The following ARID2 variants were observed in gnomAD, a reference collection of about 807,000 sequenced individuals.
The protein encoded by ARID2 is AT-rich interactive domain-containing protein 2.
In ARID2, 32 loss-of-function variants were observed where a neutral mutation model predicts 184.6. That is an observed-to-expected ratio of 0.17 (90% CI 0.13 to 0.23). The LOEUF is 0.23. Ranked by LOEUF, ARID2 falls within the 10% of genes least tolerant of loss-of-function variation. The probability of loss-of-function intolerance (pLI) is 1.00; values close to 1 mark genes in which losing one functional copy is unlikely to be tolerated. For synonymous variants in ARID2, 836 were observed against 772.6 expected, an observed-to-expected ratio of 1.08 and a Z score of -1.36; for missense variants, 1,696 against 2,197.6, an observed-to-expected ratio of 0.77 and a Z score of 4.56.
chr12:45,755,000 G>T (rs916704509), intron 3 of ARID2, among the ~76,000 whole-genome samples: 2 of 152,190 alleles, frequency 1.3e-5, no homozygotes, highest in Non-Finnish European at 2.9e-5. Flanking sequence ...TAAAAAGGAA[G>T]ATGGGGGACT....
chr12:45,812,497 G>A lies in ARID2; in HGVS notation c.418+946G>A, dbSNP rs1348717317. On this transcript the variant is annotated intron_variant, in intron 4 of 20. Coordinates refer to ENST00000334344, the MANE Select transcript of ARID2 (RefSeq NM_152641.4). ...CTTTTAGAATCTGCGATCTCCATTA[G>A]AAGAGGCTTCATCTGATGCTTTTGT... Among the ~76,000 whole-genome samples the A allele has an allele frequency of 2.0e-5, 3 of 152,220 alleles. No homozygotes were observed. In the East Asian group the frequency reaches 5.8e-4, roughly 29 times the overall value.
chr12:45,797,620 ATAT>A (rs577784096), intron 3 of ARID2, among the ~76,000 whole-genome samples: 498 of 152,268 alleles, frequency 3.3e-3, no homozygotes, highest in African/African-American at 0.011. Context: ...TTGCTCTTTA[ATAT>A]TATAAATATA....
intron 3 of ARID2, among the ~76,000 whole-genome samples, chr12:45,766,974 A>G (rs756062551): frequency 1.4e-4 from 21 of 152,120 alleles, no homozygotes; most frequent in African/African-American, 2.4e-4. Context: ...GTCTCAAAAC[A>G]AAACAAAAAA....
intron 3 of ARID2, among the ~76,000 whole-genome samples, chr12:45,784,117 G>A (rs1942148096): frequency 6.6e-6 from 1 of 152,156 alleles, no homozygotes; most frequent in South Asian, 2.1e-4. Context: ...AGCCTCCTGA[G>A]TAGCTGGGAC....
At chr12:45,904,504 A>G in intron 20 of ARID2, 1 of 479,650 alleles carries the variant, frequency 2.1e-6, no homozygotes, top group Non-Finnish European at 3.7e-6. Flanking sequence ...CGTCCTGGCC[A>G]ACATGGTGAA....
At chr12:45,759,505 T>C (rs564696423) in intron 3 of ARID2, among the ~76,000 whole-genome samples, 97 of 152,228 alleles carry the variant, frequency 6.4e-4, no homozygotes, top group Non-Finnish European at 1.2e-3. Flanking sequence ...TCTAGGAGAT[T>C]TTAGGTCTTC....
intron 20 of ARID2, among the ~76,000 whole-genome samples, chr12:45,898,043 C>T (rs1944393108): frequency 1.3e-5 from 2 of 152,064 alleles, no homozygotes; most frequent in South Asian, 4.1e-4. Context: ...AGCAATCCAC[C>T]TGCCTCGGCC....
intron 3 of ARID2, among the ~76,000 whole-genome samples, chr12:45,770,251 T>TC (rs1457660593): frequency 6.7e-6 from 1 of 148,990 alleles, no homozygotes; most frequent in African/African-American, 2.5e-5. Flanking sequence ...AGACTCCATC[T>TC]CAAAAAAAAA....
intron 3 of ARID2, among the ~76,000 whole-genome samples, chr12:45,784,910 T>G (rs1195263663): frequency 1.3e-5 from 2 of 152,218 alleles, no homozygotes; most frequent in African/African-American, 4.8e-5. Context: ...ATTCCTTTTT[T>G]CAGGTGGAGA....
chr12:45,813,326 G>A (rs145961495), intron 4 of ARID2, among the ~76,000 whole-genome samples: 2 of 152,064 alleles, frequency 1.3e-5, no homozygotes, highest in African/African-American at 4.8e-5. Context: ...AAGAGCCATA[G>A]CAACATCATG....
chr12:45,750,442 A>G (rs985448468), intron 3 of ARID2, among the ~76,000 whole-genome samples: 2 of 152,254 alleles, frequency 1.3e-5, no homozygotes, highest in South Asian at 4.1e-4. Flanking sequence ...AAAATGTGAC[A>G]CAGAACTGTG....
Position 45,905,650 on chromosome 12 carries a change from T to C in ARID2, c.*572T>C, listed in dbSNP as rs1455512825. 2 of 232,890 alleles carry C rather than the reference T, an allele frequency of 8.6e-6. No homozygotes were observed. The highest frequency in any genetic ancestry group is 4.4e-5 in the African/African-American group (2 of 45,310). The allele number at this position is 232,890 out of a possible 1,614,324, so 14.4% of individuals were successfully genotyped here. On this transcript the variant is annotated 3_prime_UTR_variant, in exon 21 of 21. Transcript: ENST00000334344. ...CTTACTTGAGCCAATATATTTTCACTTATTTATTATCATAAAAATTTACCA... is the reference window on the plus strand; with the variant it reads ...CTTACTTGAGCCAATATATTTTCACCTATTTATTATCATAAAAATTTACCA...
chr12:45,825,532 G>A (rs373302524), intron 6 of ARID2, among the ~76,000 whole-genome samples: 2 of 152,184 alleles, frequency 1.3e-5, no homozygotes, highest in East Asian at 3.9e-4. Context: ...CTAATGATAA[G>A]CTTCAACTAA....
chr12:45,764,172 C>T (rs1224411730), intron 3 of ARID2, among the ~76,000 whole-genome samples: 1 of 151,786 alleles, frequency 6.6e-6, no homozygotes, highest in Non-Finnish European at 1.5e-5. Flanking sequence ...AGTAATTAAC[C>T]TTTATTTTTT....
intron 20 of ARID2, chr12:45,893,977 A>C (rs1271053685): frequency 7.4e-6 from 2 of 268,862 alleles, no homozygotes; most frequent in East Asian, 1.4e-4. Context: ...ATAATTTAGA[A>C]CAAAAAGCAG....
chr12:45,791,512 C>G (rs1195297627), intron 3 of ARID2, among the ~76,000 whole-genome samples: 3 of 151,938 alleles, frequency 2.0e-5, no homozygotes, highest in Admixed American at 6.6e-5. Context: ...GTGATTTGGC[C>G]TTTTTTTCTG....
At chr12:45,874,462 C>A in intron 16 of ARID2, 1 of 198,598 alleles carries the variant, frequency 5.0e-6, no homozygotes, top group South Asian at 1.2e-4. Context: ...GGAGTAGATT[C>A]TACCCCAAGA....
intron 16 of ARID2, among the ~76,000 whole-genome samples, chr12:45,889,548 C>T (rs1008692735): frequency 3.9e-5 from 6 of 152,176 alleles, no homozygotes; most frequent in Admixed American, 1.3e-4. Context: ...CCCAACCCAT[C>T]CAATAAATAT....
chr12:45,896,351 G>A (rs1944367485), intron 20 of ARID2, among the ~76,000 whole-genome samples: 1 of 152,176 alleles, frequency 6.6e-6, no homozygotes, highest in Non-Finnish European at 1.5e-5. Context: ...TCCAAAAGAA[G>A]GCTGATGCGG....
Sources: allele counts gnomAD v4.1 joint callset (sites outside exome capture counted in the v4.1 genomes callset), GRCh38; gene constraint gnomAD v4.1.1; transcripts MANE v1.5; gene names NCBI Gene and HGNC (gene_info 2026-07-23, HGNC 2026-07-21).